ERP27: variants seen among roughly 807,000 people sequenced by gnomAD.
ERP27 encodes endoplasmic reticulum protein 27, also known as endoplasmic reticulum resident protein 27.
ERP27 carries 23 observed loss-of-function variants against 27.7 expected under a neutral mutation model. The observed-to-expected ratio is 0.83, with a 90% CI of 0.60 to 1.18. ERP27 has a LOEUF of 1.18. Ranked by LOEUF, ERP27 falls within the 50% of genes most tolerant of loss-of-function variation. ERP27 has a pLI of 0.00. For synonymous variants in ERP27, 159 were observed against 118.3 expected, an observed-to-expected ratio of 1.34 and a Z score of -2.23; for missense variants, 363 against 327.9, an observed-to-expected ratio of 1.11 and a Z score of -0.83.
chr12:14,915,480 C>A lies in ERP27; in HGVS notation c.774+9G>T, dbSNP rs773292535. The stretch of plus-strand genomic sequence containing the variant: ...AAACAATTTGCTTTACCTGCAGTCT[C>A]ACACTTACCAACAATTTTCCACTTA... On this transcript the variant is annotated intron_variant, in intron 6 of 6. Transcript: ENST00000266397. 2.0e-5 allele frequency: 33 copies of A among 1,613,520 alleles called. No homozygotes were observed. In the Admixed American group the frequency reaches 5.5e-4, roughly 27 times the overall value.
chr12:14,936,436 C>T (rs1224037297), intron 2 of ERP27, among the ~76,000 whole-genome samples: 10 of 152,134 alleles, frequency 6.6e-5, no homozygotes, highest in Non-Finnish European at 1.5e-4. Flanking sequence ...CCTGCTCTCA[C>T]GGGACCTTTA....
At position 14,914,798 on chromosome 12, in the gene ERP27, A is replaced by G. The variant is rs769635200; in HGVS notation, c.775-16T>C. 6 of 1,607,514 alleles carry G rather than the reference A, an allele frequency of 3.7e-6. No individual in the cohort carries two copies. The highest frequency in any genetic ancestry group is 1.3e-5 in the African/African-American group (1 of 74,800). ...GATTTTCTTTCTGGAAAACATTATA[A>G]CAATGATATTTAGATTAGTAAACTG... On this transcript the variant is annotated splice_polypyrimidine_tract_variant and intron_variant, in intron 6 of 6. Transcript: ENST00000266397.
At chr12:14,918,552 C>G (rs76723993) in intron 4 of ERP27, among the ~76,000 whole-genome samples, 1 of 150,592 alleles carries the variant, frequency 6.6e-6, no homozygotes, top group East Asian at 1.9e-4. Context: ...TCAAACCAAT[C>G]TCATCTCTTT....
At chr12:14,919,707 T>C (rs1274240092) in intron 4 of ERP27, among the ~76,000 whole-genome samples, 1 of 152,236 alleles carries the variant, frequency 6.6e-6, no homozygotes, top group Admixed American at 6.5e-5. Context: ...CTACATAGGC[T>C]GTCTCTGAAG....
At chr12:14,929,250 G>A (rs1479777085) in intron 3 of ERP27, 2 of 742,578 alleles carry the variant, frequency 2.7e-6, no homozygotes, top group African/African-American at 3.5e-5. Context: ...GCACTAAATT[G>A]GAGGCAGAGG....
chr12:14,920,748 G>GT (rs1334758276), intron 4 of ERP27, among the ~76,000 whole-genome samples, 184 bp downstream of exon 4: 2 of 152,016 alleles, frequency 1.3e-5, no homozygotes, highest in Non-Finnish European at 2.9e-5. Context: ...ACTTTTCTCT[G>GT]TTTTTTTGTC....
rs979127255 is a variant in ERP27 at position 14,914,458 on chromosome 12, T to G, written c.*277A>C. On this transcript the variant is annotated 3_prime_UTR_variant, in exon 7 of 7. Transcript: ENST00000266397. ...GTGTGTTACAGATGGGCTTACAGAG[T>G]ATGAATGCACGATAAGAAGGAAATT... 21 of 454,204 alleles carry G rather than the reference T, an allele frequency of 4.6e-5. No individual in the cohort carries two copies. Among genetic ancestry groups the G allele is most frequent in the African/African-American group, 2.0e-5 (1 of 50,746 alleles). The allele number at this position is 454,204 out of a possible 1,614,324, so 28.1% of individuals were successfully genotyped here. A position where few individuals can be genotyped will look rare whatever the true frequency, so the allele number is the denominator to read the frequency against.
At chr12:14,921,941 T>C (rs1863510649) in intron 3 of ERP27, among the ~76,000 whole-genome samples, 2 of 152,236 alleles carry the variant, frequency 1.3e-5, no homozygotes, top group Admixed American at 1.3e-4. Context: ...CTTCTTTGGC[T>C]TAACATTTTG....
At chr12:14,921,453 C>G (rs1863502678) in intron 3 of ERP27, among the ~76,000 whole-genome samples, 1 of 152,132 alleles carries the variant, frequency 6.6e-6, no homozygotes, top group African/African-American at 2.4e-5. Context: ...TTCACTGTGA[C>G]CCTACCAGAT....
chr12:14,938,192 A>G (rs1863800699), intron 1 of ERP27, 140 bp from the exon 2 acceptor site: 2 of 797,548 alleles, frequency 2.5e-6, no homozygotes, highest in South Asian at 1.6e-5. Flanking sequence ...ATTCCAAGGC[A>G]TAATATTTTT....
intron 3 of ERP27, among the ~76,000 whole-genome samples, chr12:14,923,067 C>T (rs2430697): frequency 0.063 from 6,585 of 104,442 alleles, 466 homozygotes; most frequent in African/African-American, 0.22. Context: ...GAGTGGAACT[C>T]TGTCTCAAAA....
intron 6 of ERP27, 133 bp downstream of exon 6, chr12:14,915,356 C>T: frequency 1.3e-6 from 1 of 785,690 alleles, no homozygotes; most frequent in South Asian, 1.8e-5. Context: ...TTCCTCCTAT[C>T]TATCTGCACT....
intron 3 of ERP27, among the ~76,000 whole-genome samples, chr12:14,922,497 G>A (rs1488106775): frequency 5.3e-5 from 8 of 151,612 alleles, no homozygotes; most frequent in East Asian, 3.9e-4. Context: ...TGATTTGAAC[G>A]TGTTTTTATA....
At chr12:14,935,069 G>C in intron 2 of ERP27, 76 bp from the exon 3 acceptor site, 1 of 1,540,276 alleles carries the variant, frequency 6.5e-7, no homozygotes, top group Non-Finnish European at 8.8e-7. Flanking sequence ...AAAGAAATAT[G>C]ATATGATGTT....
intron 3 of ERP27, among the ~76,000 whole-genome samples, chr12:14,934,083 C>T (rs143012772): frequency 7.2e-5 from 11 of 152,296 alleles, no homozygotes; most frequent in African/African-American, 2.2e-4. Flanking sequence ...CCCCACAATA[C>T]GATTTTAATC....
intron 3 of ERP27, among the ~76,000 whole-genome samples, chr12:14,928,057 C>T (rs1286100688): frequency 6.6e-6 from 1 of 152,158 alleles, no homozygotes. Context: ...AGTATCAGCT[C>T]CTGAACAATT....
At chr12:14,929,239 T>C (rs1863661079) in intron 3 of ERP27, 2 of 864,194 alleles carry the variant, frequency 2.3e-6, no homozygotes, top group Non-Finnish European at 3.1e-6. Flanking sequence ...ACTTAAAGAA[T>C]GCACTAAATT....
intron 3 of ERP27, chr12:14,929,058 A>T: frequency 6.5e-7 from 1 of 1,532,532 alleles, no homozygotes. Context: ...ATGTGTCTAA[A>T]TGCTTCCTGA....
chr12:14,925,984 G>A (rs761810879), intron 3 of ERP27, among the ~76,000 whole-genome samples: 7 of 151,766 alleles, frequency 4.6e-5, no homozygotes, highest in Non-Finnish European at 7.4e-5. Context: ...CAGGAGAATC[G>A]CTTGAACCTG....
Sources: gnomAD v4.1 joint callset for allele counts (sites outside exome capture counted in the v4.1 genomes callset) on GRCh38, gnomAD v4.1.1 for gene constraint, MANE v1.5 for transcripts, NCBI Gene and HGNC (gene_info 2026-07-23, HGNC 2026-07-21) for gene names.